The following MYO5A variants were observed in gnomAD, a reference collection of about 807,000 sequenced individuals.
The protein encoded by MYO5A is myosin VA.
In MYO5A, 98 loss-of-function variants were observed where a neutral mutation model predicts 249.7. That is an observed-to-expected ratio of 0.39 (90% CI 0.33 to 0.46). The LOEUF is 0.46. MYO5A is among the 20% of genes least tolerant of loss of function. MYO5A has a pLI of 0.98. For missense variants in MYO5A, 1,696 were observed against 2,308.8 expected, an observed-to-expected ratio of 0.73 and a Z score of 5.44; for synonymous variants, 778 against 810.6, an observed-to-expected ratio of 0.96 and a Z score of 0.68.
intron 27 of MYO5A, 114 bp from the exon 28 acceptor site, chr15:52,351,595 C>T (rs1596329017): frequency 1.9e-6 from 2 of 1,047,624 alleles, no homozygotes; most frequent in Non-Finnish European, 2.9e-6. Flanking sequence ...ATCAGAGTTA[C>T]CCTAGTGAAT....
chr15:52,505,940 G>A (rs1350997658), intron 1 of MYO5A: 50 of 1,293,856 alleles, frequency 3.9e-5, no homozygotes, highest in South Asian at 3.1e-4. Context: ...TTGGCTGGGC[G>A]CAGTGGCTCA....
intron 24 of MYO5A, 118 bp from the exon 25 acceptor site, chr15:52,360,199 A>G: frequency 1.4e-6 from 1 of 732,152 alleles, no homozygotes; most frequent in Non-Finnish European, 2.4e-6. Context: ...TTGGTGCCCA[A>G]GTGATTTGTT....
At chr15:52,497,016 C>T (rs563196939) in intron 1 of MYO5A, among the ~76,000 whole-genome samples, 21 of 152,296 alleles carry the variant, frequency 1.4e-4, no homozygotes, top group African/African-American at 5.1e-4. Flanking sequence ...GGCTGCACTG[C>T]AGTGACACAA....
chr15:52,517,968 G>GA (rs1285784593), intron 1 of MYO5A, among the ~76,000 whole-genome samples: 1 of 151,194 alleles, frequency 6.6e-6, no homozygotes, highest in East Asian at 1.9e-4. Flanking sequence ...TCTACAAGCA[G>GA]AAAAAAAATG....
intron 10 of MYO5A, 117 bp downstream of exon 10, chr15:52,397,084 G>A: frequency 1.6e-6 from 2 of 1,270,846 alleles, no homozygotes; most frequent in Non-Finnish European, 2.2e-6. Flanking sequence ...AATTGTCATA[G>A]GCAAAGTTTC....
At chr15:52,492,423 A>T (rs990860470) in intron 1 of MYO5A, among the ~76,000 whole-genome samples, 10 of 152,240 alleles carry the variant, frequency 6.6e-5, no homozygotes, top group Non-Finnish European at 1.3e-4. Flanking sequence ...TGTCTACCAG[A>T]GAGGCTCATT....
chr15:52,461,296 G>A (rs902551565), intron 1 of MYO5A, among the ~76,000 whole-genome samples: 2 of 152,124 alleles, frequency 1.3e-5, no homozygotes, highest in Admixed American at 1.3e-4. Flanking sequence ...GACATTTAAA[G>A]GGCATACTTA....
At chr15:52,481,978 T>C (rs560927775) in intron 1 of MYO5A, among the ~76,000 whole-genome samples, 17 of 152,212 alleles carry the variant, frequency 1.1e-4, no homozygotes, top group Admixed American at 9.2e-4. Flanking sequence ...AGTAGAATTA[T>C]AAGAACATGA....
intron 1 of MYO5A, among the ~76,000 whole-genome samples, chr15:52,439,652 T>C (rs2141332861): frequency 6.6e-6 from 1 of 152,262 alleles, no homozygotes; most frequent in East Asian, 1.9e-4. Flanking sequence ...CATGAAGCCA[T>C]ACCAGAGTTT....
rs953519977 is a variant in MYO5A, at chr15:52,338,114, C to G, written c.4240-230G>C. On this transcript the variant is annotated intron_variant, in intron 32 of 41. Transcript: ENST00000399233. ...TGTGAACAAAGGAAAGAGGCTGTGGCCAGGATGCCATCACTTAGCAGGCCC... is the reference window on the plus strand; with the variant it reads ...TGTGAACAAAGGAAAGAGGCTGTGGGCAGGATGCCATCACTTAGCAGGCCC... 2.0e-5 allele frequency among the ~76,000 whole-genome samples: 3 copies of G among 152,096 alleles called. No individual in the cohort carries two copies. The East Asian group carries it at 5.8e-4, about 29-fold the overall frequency.
At chr15:52,359,713 T>C (rs2040422305) in intron 25 of MYO5A, among the ~76,000 whole-genome samples, 1 of 152,108 alleles carries the variant, frequency 6.6e-6, no homozygotes, top group South Asian at 2.1e-4. Context: ...AAATAAAATC[T>C]CACCATCAAA....
At chr15:52,373,290 G>A (rs2041227524) in intron 20 of MYO5A, among the ~76,000 whole-genome samples, 1 of 152,184 alleles carries the variant, frequency 6.6e-6, no homozygotes, top group Non-Finnish European at 1.5e-5. Flanking sequence ...GAAAGATGGA[G>A]AAGAAATTCT....
chr15:52,444,437 A>C (rs923076411), intron 1 of MYO5A, among the ~76,000 whole-genome samples: 3 of 152,240 alleles, frequency 2.0e-5, no homozygotes, highest in Non-Finnish European at 4.4e-5. Context: ...ACTTAACCTC[A>C]TAATATGCTT....
intron 1 of MYO5A, among the ~76,000 whole-genome samples, chr15:52,514,650 C>T (rs182946110): frequency 1.0e-3 from 155 of 152,310 alleles, no homozygotes; most frequent in Non-Finnish European, 1.9e-3. Context: ...TACAGCCTCA[C>T]TGCTCAAGGT....
chr15:52,384,452 G>C (rs1262576517), intron 14 of MYO5A, 130 bp from the exon 15 acceptor site: 2 of 946,096 alleles, frequency 2.1e-6, no homozygotes, highest in Non-Finnish European at 3.3e-6. Flanking sequence ...GAAAGAGTCA[G>C]TATCTGTGCT....
intron 1 of MYO5A, among the ~76,000 whole-genome samples, chr15:52,475,162 A>G (rs1425023496): frequency 1.3e-5 from 2 of 152,198 alleles, no homozygotes; most frequent in African/African-American, 4.8e-5. Flanking sequence ...TAGATTTTCT[A>G]GTTTACTTGT....
At chr15:52,456,159 A>G (rs964056125) in intron 1 of MYO5A, among the ~76,000 whole-genome samples, 1 of 152,176 alleles carries the variant, frequency 6.6e-6, no homozygotes, top group African/African-American at 2.4e-5. Context: ...ACATTTATAT[A>G]TGCCAACAGC....
At chr15:52,488,154 T>C (rs1289859868) in intron 1 of MYO5A, among the ~76,000 whole-genome samples, 1 of 151,458 alleles carries the variant, frequency 6.6e-6, no homozygotes, top group Non-Finnish European at 1.5e-5. Context: ...ATGGATGAGG[T>C]GAATGCTTTT....
intron 25 of MYO5A, among the ~76,000 whole-genome samples, chr15:52,354,587 G>C (rs1158614865): frequency 6.6e-6 from 1 of 152,188 alleles, no homozygotes; most frequent in Non-Finnish European, 1.5e-5. Flanking sequence ...CGGGCACGGT[G>C]GCTCATGCCT....
Sources: allele counts gnomAD v4.1 joint callset (sites outside exome capture counted in the v4.1 genomes callset), GRCh38; gene constraint gnomAD v4.1.1; transcripts MANE v1.5; gene names NCBI Gene and HGNC (gene_info 2026-07-23, HGNC 2026-07-21).